KCNIP4: variants seen among roughly 807,000 people sequenced by gnomAD.
KCNIP4 encodes potassium voltage-gated channel interacting protein 4.
In KCNIP4, 12 loss-of-function variants were observed where a neutral mutation model predicts 34.0. The ratio of observed to expected loss-of-function variants is 0.35; its 90% CI spans 0.23 to 0.57. KCNIP4 has a LOEUF of 0.57. Ranked by LOEUF, KCNIP4 falls within the 20% of genes least tolerant of loss-of-function variation. The pLI is 0.83. For missense variants in KCNIP4, 238 were observed against 311.7 expected, an observed-to-expected ratio of 0.76 and a Z score of 1.78; for synonymous variants, 124 against 102.2, an observed-to-expected ratio of 1.21 and a Z score of -1.29.
Position 21,042,429 on chromosome 4 carries a change from C to G in KCNIP4, c.62-159720G>C, listed in dbSNP as rs191172276. ...GAGCATTAGGTTAAGTGAAATAAGT[C>G]AGACACAGAAAGACAAATGTATGAT... is the stretch of plus-strand genomic sequence containing the variant. On this transcript the variant is annotated intron_variant, in intron 1 of 8. Transcript: ENST00000382152. Among the ~76,000 whole-genome samples the G allele has an allele frequency of 7.2e-5, 11 of 152,234 alleles. No homozygotes were observed. In the East Asian group the frequency reaches 1.9e-3, roughly 27 times the overall value.
chr4:21,519,399 T>C (rs538706664), intron 1 of KCNIP4, among the ~76,000 whole-genome samples: 27 of 149,566 alleles, frequency 1.8e-4, no homozygotes, highest in Admixed American at 4.0e-4. Flanking sequence ...TATATACATA[T>C]GTGTGTATAT....
At chr4:21,630,660 T>C (rs1745698169) in intron 1 of KCNIP4, among the ~76,000 whole-genome samples, 1 of 152,122 alleles carries the variant, frequency 6.6e-6, no homozygotes, top group Non-Finnish European at 1.5e-5. Context: ...CTCAAACCTC[T>C]CTTCGCTGCA....
At chr4:21,552,048 A>AC (rs1560510399) in intron 1 of KCNIP4, among the ~76,000 whole-genome samples, 1 of 124,478 alleles carries the variant, frequency 8.0e-6, no homozygotes, top group African/African-American at 2.8e-5. Context: ...TAAAAAAAAA[A>AC]AAAACAAAAA....
At chr4:21,185,787 C>A (rs1450689268) in intron 1 of KCNIP4, among the ~76,000 whole-genome samples, 2 of 152,046 alleles carry the variant, frequency 1.3e-5, no homozygotes, top group Non-Finnish European at 2.9e-5. Context: ...TATCCATTTC[C>A]ATAATTGGCA....
intron 1 of KCNIP4, among the ~76,000 whole-genome samples, chr4:21,507,663 C>T (rs753474499): frequency 1.3e-5 from 2 of 152,132 alleles, no homozygotes; most frequent in Non-Finnish European, 2.9e-5. Flanking sequence ...TGCTCCTTGA[C>T]TAGAGGAAAA....
chr4:20,798,550 A>C (rs931160647), intron 3 of KCNIP4, among the ~76,000 whole-genome samples: 19 of 148,288 alleles, frequency 1.3e-4, no homozygotes, highest in Admixed American at 6.7e-4. Flanking sequence ...GACACACAAA[A>C]AAGCTATGAA....
At chr4:21,884,333 C>A (rs963675277) in intron 1 of KCNIP4, among the ~76,000 whole-genome samples, 1 of 151,992 alleles carries the variant, frequency 6.6e-6, no homozygotes, top group Non-Finnish European at 1.5e-5. Context: ...GTTCTGAGTG[C>A]TACAATGCCC....
At chr4:21,631,529 A>G (rs1053576057) in intron 1 of KCNIP4, among the ~76,000 whole-genome samples, 1 of 152,170 alleles carries the variant, frequency 6.6e-6, no homozygotes. Flanking sequence ...AGGTGGATGG[A>G]GTTAATGCTA....
chr4:21,524,479 C>T (rs553223828), intron 1 of KCNIP4, among the ~76,000 whole-genome samples: 2 of 152,134 alleles, frequency 1.3e-5, no homozygotes, highest in Non-Finnish European at 2.9e-5. Context: ...ATGCAATAGC[C>T]ACTATGACTT....
chr4:21,908,953 G>A (rs1728151192), intron 1 of KCNIP4, among the ~76,000 whole-genome samples: 2 of 152,000 alleles, frequency 1.3e-5, no homozygotes, highest in South Asian at 2.1e-4. Flanking sequence ...TATGGGATAC[G>A]TTTTCTTGAG....
chr4:20,865,804 A>G (rs2149502348), intron 2 of KCNIP4, among the ~76,000 whole-genome samples: 1 of 152,176 alleles, frequency 6.6e-6, no homozygotes, highest in Non-Finnish European at 1.5e-5. Flanking sequence ...TTAATATTGT[A>G]TTTGTGATCT....
chr4:21,159,450 C>T lies in KCNIP4; in HGVS notation c.62-276741G>A, dbSNP rs1412379624. 5.4e-4 allele frequency among the ~76,000 whole-genome samples: 11 copies of T among 20,222 alleles called. 3 individuals carry two copies. The highest frequency in any genetic ancestry group is 1.6e-3 in the Admixed American group (5 of 3,096). 13.3% of individuals were successfully genotyped at this position (20,222 alleles called of 152,430 possible). On this transcript the variant is annotated intron_variant, in intron 1 of 8. Transcript: ENST00000382152. Reference sequence around the variant, plus strand: ...TCCGGTCTACAGCTCCCAGCGTGAGCGACGCAGAAGACGGTGATTTCTGCA... The same window carrying T: ...TCCGGTCTACAGCTCCCAGCGTGAGTGACGCAGAAGACGGTGATTTCTGCA...
At chr4:21,886,169 A>C (rs894990264) in intron 1 of KCNIP4, among the ~76,000 whole-genome samples, 1 of 152,124 alleles carries the variant, frequency 6.6e-6, no homozygotes. Flanking sequence ...ACTGAAACTT[A>C]TTATGATTTT....
chr4:21,460,098 C>G (rs1330001784), intron 1 of KCNIP4, among the ~76,000 whole-genome samples: 6 of 116,478 alleles, frequency 5.2e-5, no homozygotes, highest in Non-Finnish European at 1.3e-4. Flanking sequence ...CAAAATCTGC[C>G]CCCCGCCCCC....
At chr4:21,417,459 G>C (rs542977168) in intron 1 of KCNIP4, among the ~76,000 whole-genome samples, 1 of 152,148 alleles carries the variant, frequency 6.6e-6, no homozygotes, top group African/African-American at 2.4e-5. Flanking sequence ...TGAGGGTCTC[G>C]TGTGTGAATT....
chr4:20,971,556 TA>T (rs1267962418), intron 1 of KCNIP4, among the ~76,000 whole-genome samples: 1 of 152,178 alleles, frequency 6.6e-6, no homozygotes, highest in East Asian at 1.9e-4. Flanking sequence ...GCATTATGTC[TA>T]AAAAACAATG....
At chr4:21,336,004 T>A (rs1237546314) in intron 1 of KCNIP4, among the ~76,000 whole-genome samples, 1 of 152,110 alleles carries the variant, frequency 6.6e-6, no homozygotes, top group Non-Finnish European at 1.5e-5. Flanking sequence ...TATATTTATA[T>A]TTTTTTGCAT....
chr4:20,945,871 G>A (rs1266781337), intron 1 of KCNIP4, among the ~76,000 whole-genome samples: 1 of 152,174 alleles, frequency 6.6e-6, no homozygotes, highest in African/African-American at 2.4e-5. Flanking sequence ...CAGGTTAGAG[G>A]TGAGCAGCCC....
At chr4:21,940,729 T>C (rs965432519) in intron 1 of KCNIP4, among the ~76,000 whole-genome samples, 1 of 152,220 alleles carries the variant, frequency 6.6e-6, no homozygotes, top group African/African-American at 2.4e-5. Flanking sequence ...TCATATATTC[T>C]CGCCTTTCTA....
Sources: gnomAD v4.1 joint callset for allele counts (sites outside exome capture counted in the v4.1 genomes callset) on GRCh38, gnomAD v4.1.1 for gene constraint, MANE v1.5 for transcripts, NCBI Gene and HGNC (gene_info 2026-07-23, HGNC 2026-07-21) for gene names.